The following CSMD1 variants were observed in gnomAD, a reference collection of about 807,000 sequenced individuals.
The protein encoded by CSMD1 is CUB and sushi domain-containing protein 1.
Under a neutral mutation model 417.5 loss-of-function variants are expected in CSMD1, and 213 were observed. The ratio of observed to expected loss-of-function variants is 0.51; its 90% CI spans 0.46 to 0.57. The LOEUF is 0.57. Among genes scored for constraint, CSMD1 ranks in the 20% least tolerant of loss-of-function variants. The probability of loss-of-function intolerance (pLI) is 0.00; values close to 1 mark genes in which losing one functional copy is unlikely to be tolerated. For synonymous variants in CSMD1, 2,862 were observed against 1,736.8 expected (o/e 1.65, Z -16.11); for missense variants, 6,923 against 4,529.7 (o/e 1.53, Z -15.17).
rs915949714 is a variant in CSMD1 at position 2,971,407 on chromosome 8, G to A, written c.8923+1710C>T. Among the ~76,000 whole-genome samples the A allele has an allele frequency of 3.3e-5, 5 of 152,246 alleles. No individual in the cohort carries two copies. The East Asian group carries it at 5.8e-4, about 18-fold the overall frequency. ...TCTTTTCTGAACTTGACGTTTCTTC[G>A]TGAACACGGGCAAGCTGATTTGCTG... On this transcript the variant is annotated intron_variant, in intron 57 of 69. Coordinates refer to ENST00000635120, the MANE Select transcript of CSMD1 (RefSeq NM_033225.6).
At chr8:4,860,317 C>G (rs1802051459) in intron 1 of CSMD1, among the ~76,000 whole-genome samples, 1 of 150,642 alleles carries the variant, frequency 6.6e-6, no homozygotes, top group African/African-American at 2.5e-5. Context: ...TGCTAGATGA[C>G]ATGTTAGTGG....
At chr8:3,716,788 T>C (rs1479430594) in intron 6 of CSMD1, among the ~76,000 whole-genome samples, 1 of 152,154 alleles carries the variant, frequency 6.6e-6, no homozygotes, top group East Asian at 1.9e-4. Flanking sequence ...CAACTTTCCA[T>C]TTAACTCTGT....
intron 49 of CSMD1, among the ~76,000 whole-genome samples, chr8:3,077,516 G>T (rs1813769204): frequency 1.3e-5 from 2 of 152,228 alleles, no homozygotes; most frequent in African/African-American, 4.8e-5. Context: ...CTGGGCAGAA[G>T]CCTCATCCTG....
intron 23 of CSMD1, among the ~76,000 whole-genome samples, chr8:3,340,387 GT>G (rs373098575): frequency 1.7e-4 from 26 of 151,292 alleles, no homozygotes; most frequent in East Asian, 3.9e-4. Context: ...AAATGTTAGG[GT>G]TTTTTTTTAT....
At chr8:4,060,586 T>A (rs571641263) in intron 3 of CSMD1, among the ~76,000 whole-genome samples, 1 of 152,276 alleles carries the variant, frequency 6.6e-6, no homozygotes, top group Admixed American at 6.5e-5. Flanking sequence ...GGGAAGGTCA[T>A]TCTGGGTTTC....
chr8:3,152,238 T>G (rs765536400), intron 39 of CSMD1, among the ~76,000 whole-genome samples: 1 of 152,248 alleles, frequency 6.6e-6, no homozygotes, highest in African/African-American at 2.4e-5. Flanking sequence ...CTACTGTATC[T>G]GAGGTTTGAC....
intron 5 of CSMD1, among the ~76,000 whole-genome samples, chr8:3,954,614 G>A (rs547612826): frequency 6.6e-6 from 1 of 152,222 alleles, no homozygotes; most frequent in Non-Finnish European, 1.5e-5. Context: ...CGCCCACCTT[G>A]GCCTCCCAAA....
intron 5 of CSMD1, among the ~76,000 whole-genome samples, chr8:3,951,559 T>C (rs1437093851): frequency 2.6e-5 from 4 of 151,934 alleles, no homozygotes; most frequent in Admixed American, 6.6e-5. Context: ...GTAAAATACA[T>C]CGCCAAAGAT....
At chr8:4,412,389 C>A (rs563916661) in intron 3 of CSMD1, among the ~76,000 whole-genome samples, 1 of 152,174 alleles carries the variant, frequency 6.6e-6, no homozygotes, top group South Asian at 2.1e-4. Flanking sequence ...CCGCATTTGC[C>A]ATGTGTTGCG....
At chr8:4,730,022 T>C (rs910540210) in intron 1 of CSMD1, among the ~76,000 whole-genome samples, 1 of 152,186 alleles carries the variant, frequency 6.6e-6, no homozygotes, top group Non-Finnish European at 1.5e-5. Context: ...AGAGCACACC[T>C]GCTCCCATGT....
At chr8:3,823,243 G>C (rs1035739968) in intron 5 of CSMD1, among the ~76,000 whole-genome samples, 3 of 152,120 alleles carry the variant, frequency 2.0e-5, no homozygotes, top group African/African-American at 4.8e-5. Flanking sequence ...AAATAAAATA[G>C]CTGAGAACTT....
In CSMD1 at chr8:3,290,046, G is replaced by A. The variant is rs1803434406; in HGVS notation, c.3951-5700C>T. Among the ~76,000 whole-genome samples, 3 of 146,992 alleles carry A rather than the reference G, an allele frequency of 2.0e-5. 1 individual carries two copies. The highest frequency in any genetic ancestry group is 8.1e-5 in the African/African-American group (3 of 36,902). On this transcript the variant is annotated intron_variant, in intron 25 of 69. Transcript: ENST00000635120. ...ATCCAGTTTCAGCTTTCTACATATG[G>A]CTAGCCAGTTTTCCCAGCACCATTT...
At chr8:4,571,560 A>T (rs1798895251) in intron 2 of CSMD1, among the ~76,000 whole-genome samples, 1 of 152,064 alleles carries the variant, frequency 6.6e-6, no homozygotes, top group East Asian at 1.9e-4. Flanking sequence ...TTTTATTTCC[A>T]ATTATGTGGT....
intron 9 of CSMD1, among the ~76,000 whole-genome samples, chr8:3,581,942 T>C (rs553969307): frequency 6.6e-6 from 1 of 152,238 alleles, no homozygotes; most frequent in Admixed American, 6.5e-5. Flanking sequence ...GTAGCTGGGA[T>C]TATAGGCATG....
chr8:4,203,886 A>T (rs757587054), intron 3 of CSMD1, among the ~76,000 whole-genome samples: 10 of 152,134 alleles, frequency 6.6e-5, no homozygotes, highest in Non-Finnish European at 1.2e-4. Flanking sequence ...GGATCCCTTG[A>T]GCCAAGGAGT....
intron 3 of CSMD1, among the ~76,000 whole-genome samples, chr8:4,143,955 T>C (rs1204603435): frequency 6.6e-6 from 1 of 151,326 alleles, no homozygotes; most frequent in Non-Finnish European, 1.5e-5. Context: ...GGCCAGTGCT[T>C]GGCCCATAGC....
At chr8:3,279,726 G>T (rs920486786) in intron 26 of CSMD1, among the ~76,000 whole-genome samples, 1 of 152,128 alleles carries the variant, frequency 6.6e-6, no homozygotes, top group Non-Finnish European at 1.5e-5. Context: ...ATGGAGGAAG[G>T]TGAAGGGGAA....
chr8:4,157,188 G>A (rs543655614), intron 3 of CSMD1, among the ~76,000 whole-genome samples: 2 of 152,214 alleles, frequency 1.3e-5, no homozygotes, highest in South Asian at 2.1e-4. Context: ...GACAAGTGAC[G>A]ATGTATGAAA....
chr8:4,622,172 T>TA (rs397969991), intron 2 of CSMD1, among the ~76,000 whole-genome samples: 14,189 of 131,516 alleles, frequency 0.11, 1,145 homozygotes, highest in African/African-American at 0.24. Context: ...TAAAGAGAAT[T>TA]AAAAAAAAAA....
Sources: gnomAD v4.1 joint callset for allele counts (sites outside exome capture counted in the v4.1 genomes callset) on GRCh38, gnomAD v4.1.1 for gene constraint, MANE v1.5 for transcripts, NCBI Gene and HGNC (gene_info 2026-07-23, HGNC 2026-07-21) for gene names.